The following ADGRL3 variants were observed in gnomAD, a reference collection of about 807,000 sequenced individuals.
The protein encoded by ADGRL3 is adhesion G protein-coupled receptor L3, also known as calcium-independent alpha-latrotoxin receptor 3.
Under a neutral mutation model 153.5 loss-of-function variants are expected in ADGRL3, and 62 were observed. The ratio of observed to expected loss-of-function variants is 0.40; its 90% confidence interval spans 0.33 to 0.50. The LOEUF (loss-of-function observed/expected upper bound fraction) is 0.50. ADGRL3 is among the 20% of genes least tolerant of loss of function. The pLI, the probability that ADGRL3 is intolerant of heterozygous loss-of-function variation, is 0.47. For synonymous variants in ADGRL3, 710 were observed against 672.5 expected (o/e 1.06, Z -0.86); for missense variants, 1,641 against 1,859.4 (o/e 0.88, Z 2.16).
chr4:61,613,780 T>A (rs2091674780), intron 5 of ADGRL3, among the ~76,000 whole-genome samples: 1 of 152,180 alleles, frequency 6.6e-6, no homozygotes, highest in Non-Finnish European at 1.5e-5. Context: ...CATTTAATTG[T>A]AATCACATTA....
At chr4:61,434,442 CT>C (rs1334029898) in intron 2 of ADGRL3, among the ~76,000 whole-genome samples, 1 of 151,996 alleles carries the variant, frequency 6.6e-6, no homozygotes, top group East Asian at 1.9e-4. Flanking sequence ...ATACATATAT[CT>C]TTAACTTAAA....
intron 4 of ADGRL3, among the ~76,000 whole-genome samples, chr4:61,538,960 A>G (rs935095282): frequency 6.6e-6 from 1 of 152,104 alleles, no homozygotes; most frequent in African/African-American, 2.4e-5. Context: ...CAACTTTCCT[A>G]TTACATCCCT....
intron 2 of ADGRL3, among the ~76,000 whole-genome samples, chr4:61,478,407 C>G (rs910520852): frequency 3.3e-5 from 5 of 151,984 alleles, no homozygotes; most frequent in African/African-American, 1.2e-4. Context: ...AAAAAAGAAA[C>G]AGACAGAGGT....
At chr4:61,996,790 CTT>C (rs1208788050) in intron 20 of ADGRL3, among the ~76,000 whole-genome samples, 1 of 152,090 alleles carries the variant, frequency 6.6e-6, no homozygotes, top group Admixed American at 6.5e-5. Context: ...ATCTTGAAAA[CTT>C]TAAAATTTAA....
intron 1 of ADGRL3, among the ~76,000 whole-genome samples, chr4:61,318,193 C>CAA (rs757545966): frequency 0.14 from 6,648 of 47,858 alleles, 230 homozygotes; most frequent in Non-Finnish European, 0.2. Context: ...GAACCTGTCT[C>CAA]AAAAAAAAAA....
At chr4:61,472,470 C>T (rs1224969227) in intron 2 of ADGRL3, among the ~76,000 whole-genome samples, 2 of 152,034 alleles carry the variant, frequency 1.3e-5, no homozygotes. Context: ...TATAGGGATA[C>T]ATCATGACAT....
intron 21 of ADGRL3, among the ~76,000 whole-genome samples, chr4:62,007,284 G>C (rs1006959500): frequency 6.9e-5 from 10 of 145,152 alleles, no homozygotes; most frequent in African/African-American, 2.6e-4. Context: ...GGAAAGCAAA[G>C]GTCTGGCAAA....
At chr4:61,835,120 T>G (rs1026970661) in intron 9 of ADGRL3, among the ~76,000 whole-genome samples, 11 of 152,128 alleles carry the variant, frequency 7.2e-5, no homozygotes, top group South Asian at 6.2e-4. Flanking sequence ...CCCCAAAACT[T>G]AAAACCATCA....
intron 13 of ADGRL3, among the ~76,000 whole-genome samples, chr4:61,914,795 C>G (rs1320693726): frequency 6.6e-6 from 1 of 151,910 alleles, no homozygotes; most frequent in Non-Finnish European, 1.5e-5. Context: ...AATTCTTGCT[C>G]AGTTGTTTGG....
At chr4:62,068,062 T>C (rs953719238) in intron 25 of ADGRL3, 104 bp from the exon 26 acceptor site, 4 of 678,022 alleles carry the variant, frequency 5.9e-6, no homozygotes, top group Non-Finnish European at 9.7e-6. Context: ...CCTTTGACTC[T>C]TTTTTCTGCA....
chr4:61,842,793 T>G (rs1207110421), intron 9 of ADGRL3, among the ~76,000 whole-genome samples: 1 of 152,174 alleles, frequency 6.6e-6, no homozygotes, highest in African/African-American at 2.4e-5. Flanking sequence ...TTTTGGTGGA[T>G]GATAATTTTA....
At position 61,657,272 on chromosome 4, in the gene ADGRL3, G is replaced by T. The variant is rs1003441968; in HGVS notation, c.474-19554G>T. On this transcript the variant is annotated intron_variant, in intron 5 of 26. Transcript: ENST00000683033. ...TTAGACTATAGGGAATGCTGCAGAA[G>T]GAAACAGCCACCTTCTTTCATGCCT... Among the ~76,000 whole-genome samples the T allele has an allele frequency of 3.9e-5, 6 of 151,932 alleles. No individual in the cohort carries two copies. The East Asian group carries it at 1.2e-3, about 29-fold the overall frequency.
At chr4:61,680,297 T>A (rs944500832) in intron 6 of ADGRL3, among the ~76,000 whole-genome samples, 1 of 129,752 alleles carries the variant, frequency 7.7e-6, no homozygotes, top group Non-Finnish European at 1.7e-5. Flanking sequence ...CCATTTCGAA[T>A]TTATGACCAC....
intron 4 of ADGRL3, among the ~76,000 whole-genome samples, chr4:61,559,114 A>G (rs998519080): frequency 6.6e-6 from 1 of 152,052 alleles, no homozygotes; most frequent in Non-Finnish European, 1.5e-5. Context: ...GTATTTTTCT[A>G]TTTAAAGAAG....
At chr4:61,296,646 G>A (rs896111595) in intron 1 of ADGRL3, among the ~76,000 whole-genome samples, 43 of 152,222 alleles carry the variant, frequency 2.8e-4, no homozygotes, top group African/African-American at 9.9e-4. Flanking sequence ...TCAAAACAGT[G>A]TTGTCAGAAA....
chr4:61,516,519 T>C (rs2152897479), intron 3 of ADGRL3, among the ~76,000 whole-genome samples: 1 of 152,248 alleles, frequency 6.6e-6, no homozygotes, highest in Non-Finnish European at 1.5e-5. Context: ...AAAAAAATCC[T>C]ATATTTAAAT....
intron 1 of ADGRL3, among the ~76,000 whole-genome samples, chr4:61,319,851 A>G (rs1490873882): frequency 1.3e-5 from 2 of 152,214 alleles, no homozygotes; most frequent in Non-Finnish European, 2.9e-5. Flanking sequence ...CTATTAAAAT[A>G]TGTGCATGAG....
chr4:61,273,817 T>C (rs2093326682), intron 1 of ADGRL3, among the ~76,000 whole-genome samples: 1 of 152,178 alleles, frequency 6.6e-6, no homozygotes. Flanking sequence ...ACATTTTGTG[T>C]TATTGACTAA....
intron 5 of ADGRL3, among the ~76,000 whole-genome samples, chr4:61,627,020 C>G (rs1463021426): frequency 1.3e-5 from 2 of 151,908 alleles, no homozygotes; most frequent in Non-Finnish European, 2.9e-5. Context: ...TAAGAGTATA[C>G]TTCATCAATT....
Sources: gnomAD v4.1 joint callset for allele counts (sites outside exome capture counted in the v4.1 genomes callset) on GRCh38, gnomAD v4.1.1 for gene constraint, MANE v1.5 for transcripts, NCBI Gene and HGNC (gene_info 2026-07-23, HGNC 2026-07-21) for gene names.